The following LAG3 variants were observed in gnomAD, a reference collection of about 807,000 sequenced individuals.
LAG3 encodes lymphocyte activation gene 3 protein.
A neutral mutation model predicts 49.0 loss-of-function variants in LAG3; 29 were observed. The observed-to-expected ratio is 0.59, with a 90% CI of 0.44 to 0.81. The LOEUF is 0.81. Among genes scored for constraint, LAG3 ranks in the 30% least tolerant of loss-of-function variants. The pLI is 0.00. For synonymous variants in LAG3, 320 were observed against 297.3 expected (o/e 1.08, Z -0.79); for missense variants, 693 against 695.2 (o/e 1.00, Z 0.04).
In LAG3 at chr12:6,773,916, G is replaced by C. The variant is rs893944115; in HGVS notation, c.426G>C (p.Ala142=). Residue 142 remains alanine (A), a synonymous_variant, in exon 3 of 8, where the codon GCG becomes GCC. Transcript: ENST00000203629. This position sits in a 1 kb window ranked among gnomAD's most constrained non-coding sequence, Gnocchi z 5.5. ...TATGGCTGCGCCCAGCCCGGCGCGCGGACGCCGGCGAGTACCGCGCCGCGG... is the reference window on the plus strand; with the variant it reads ...TATGGCTGCGCCCAGCCCGGCGCGCCGACGCCGGCGAGTACCGCGCCGCGG... ...FSLWLRPARR[A]DAGEYRAAVH... is the part of the protein sequence containing the mutation. 5 of 1,381,006 alleles carry C rather than the reference G, an allele frequency of 3.6e-6. No homozygotes were observed. The African/African-American group carries it at 7.6e-5, about 21-fold the overall frequency. 85.5% of individuals were successfully genotyped at this position (1,381,006 alleles called of 1,614,324 possible). A position where few individuals can be genotyped will look rare whatever the true frequency, so the allele number is the denominator to read the frequency against.
Position 6,772,889 on chromosome 12 carries a change from C to A in LAG3, c.37C>A (p.Gln13Lys). ...TCAGTTCCTGGGCTTGCTGTTTCTGCAGCCGCTTTGGGTGGCTCCAGGTAA... is the reference window on the plus strand; with the variant it reads ...TCAGTTCCTGGGCTTGCTGTTTCTGAAGCCGCTTTGGGTGGCTCCAGGTAA... ...EAQFLGLLFL[Q>K]PLWVAPVKPL... Residue 13 changes from glutamine (Q) to lysine (K), a missense_variant, in exon 1 of 8, where the codon CAG becomes AAG. Gln to Lys is a moderately conservative substitution (Grantham distance 53, BLOSUM62 1). Transcript: ENST00000203629. The A allele has an allele frequency of 6.2e-7, 1 of 1,613,620 alleles. No individual in the cohort carries two copies. The highest frequency in any genetic ancestry group is 1.3e-5 in the African/African-American group (1 of 74,868).
rs1480410324 is a variant in LAG3, at chr12:6,774,795, C to T, written c.712C>T (p.Pro238Ser). ...LPQVSPMDSGPWGCILTYRDG... is the reference protein window; with the variant it reads ...LPQVSPMDSGSWGCILTYRDG... Reference sequence around the variant, plus strand: ...CCAAGTCAGCCCCATGGACTCTGGGCCCTGGGGCTGCATCCTCACCTACAG... The same window carrying T: ...CCAAGTCAGCCCCATGGACTCTGGGTCCTGGGGCTGCATCCTCACCTACAG... The change falls in exon 4 of 8, where the codon CCC (proline) becomes TCC (serine). Residue 238 changes from proline (P) to serine (S), a missense_variant. Pro to Ser is a moderately conservative substitution (Grantham distance 74). Transcript: ENST00000203629. 6 of 1,613,996 alleles carry T rather than the reference C, an allele frequency of 3.7e-6. No homozygotes were observed. The highest frequency in any genetic ancestry group is 5.1e-6 in the Non-Finnish European group (6 of 1,180,008).
At chr12:6,774,176 C>A (rs549317121) in intron 3 of LAG3, among the ~76,000 whole-genome samples, 175 bp downstream of exon 3, 2 of 149,314 alleles carry the variant, frequency 1.3e-5, no homozygotes, top group African/African-American at 5.1e-5. Context: ...CCCCGAAGCA[C>A]GTGTATGGGG....
At position 6,778,302 on chromosome 12, in the gene LAG3, G is replaced by A. The variant is rs760478011; in HGVS notation, c.1490G>A (p.Ser497Asn). The A allele has an allele frequency of 3.7e-6, 6 of 1,613,480 alleles. No homozygotes were observed. The highest frequency in any genetic ancestry group is 2.2e-5 in the East Asian group (1 of 44,870). The change falls in exon 8 of 8, where the codon AGC becomes AAC. Residue 497 changes from serine to asparagine, a missense_variant. Ser to Asn is a conservative substitution (Grantham distance 46, BLOSUM62 1). Coordinates refer to ENST00000203629, the MANE Select transcript of LAG3 (RefSeq NM_002286.6). ...GGGATTCACCCTCCGCAGGCTCAGAGCAAGATAGAGGAGCTGGAGCAAGAA... is the reference window on the plus strand; with the variant it reads ...GGGATTCACCCTCCGCAGGCTCAGAACAAGATAGAGGAGCTGGAGCAAGAA... ...EQGIHPPQAQ[S>N]KIEELEQEPE...
rs1941856973 is a variant in LAG3, at chr12:6,772,696, T to C, written c.-157T>C. 2 of 441,012 alleles carry C rather than the reference T, an allele frequency of 4.5e-6. No homozygotes were observed. Among genetic ancestry groups the C allele is most frequent in the South Asian group, 2.8e-5 (1 of 35,862 alleles). The allele number at this position is 441,012 out of a possible 1,614,324, so 27.3% of individuals were successfully genotyped here. A position where few individuals can be genotyped will look rare whatever the true frequency, so the allele number is the denominator to read the frequency against. On this transcript the variant is annotated 5_prime_UTR_variant, in exon 1 of 8. Coordinates refer to ENST00000203629, the MANE Select transcript of LAG3 (RefSeq NM_002286.6). ...CCTCTGGTCATCCCTCCCCACCCTC[T>C]CTCCAAGGCCCTCTCCTGGTCTCCC...
chr12:6,774,525 G>A, intron 3 of LAG3, 70 bp from the exon 4 acceptor site: 1 of 1,529,144 alleles, frequency 6.5e-7, no homozygotes, highest in South Asian at 1.3e-5. Context: ...GGAGCTTCCG[G>A]CTTGGCAGCC....
At chr12:6,774,440 G>A (rs562883579) in intron 3 of LAG3, among the ~76,000 whole-genome samples, 155 bp from the exon 4 acceptor site, 2 of 152,188 alleles carry the variant, frequency 1.3e-5, no homozygotes, top group Admixed American at 6.5e-5. Flanking sequence ...GCACCTCCAG[G>A]TGCTGGAAGC....
chr12:6,778,170 G>T, intron 7 of LAG3, 74 bp from the exon 8 acceptor site: 1 of 1,435,206 alleles, frequency 7.0e-7, no homozygotes. Flanking sequence ...GGGACTCAGT[G>T]TCCCTCCTCA....
chr12:6,775,170 C>A, intron 4 of LAG3, 103 bp from the exon 5 acceptor site: 2 of 1,286,940 alleles, frequency 1.6e-6, no homozygotes, highest in Non-Finnish European at 2.2e-6. Flanking sequence ...CTCTTATGAG[C>A]CAGACCATCT....
At position 6,772,690 on chromosome 12, in the gene LAG3, A is replaced by C. The variant is rs1187860702; in HGVS notation, c.-163A>C. The C allele has an allele frequency of 2.3e-3, 648 of 279,766 alleles. No individual in the cohort carries two copies. The highest frequency in any genetic ancestry group is 0.011 in the South Asian group (132 of 12,108). The allele number at this position is 279,766 out of a possible 1,614,324, so 17.3% of individuals were successfully genotyped here. A position where few individuals can be genotyped will look rare whatever the true frequency, so the allele number is the denominator to read the frequency against. On this transcript the variant is annotated 5_prime_UTR_variant, in exon 1 of 8. Transcript: ENST00000203629. ...TTCCGGCCTCTGGTCATCCCTCCCC[A>C]CCCTCTCTCCAAGGCCCTCTCCTGG...
Position 6,777,249 on chromosome 12 carries a change from T to G in LAG3, c.1058-15T>G, listed in dbSNP as rs747260388. ...GGCAGAATCCCAAAAGATCTCTTCC[T>G]TCTACTCTTTTCAGTGACTCCCAAA... is the stretch of plus-strand genomic sequence containing the variant. On this transcript the variant is annotated splice_polypyrimidine_tract_variant and intron_variant, in intron 5 of 7. Transcript: ENST00000203629. 6.2e-7 allele frequency: 1 copy of G among 1,614,088 alleles called. No individual in the cohort carries two copies. Among genetic ancestry groups the G allele is most frequent in the South Asian group, 1.1e-5 (1 of 91,070 alleles).
Position 6,777,377 on chromosome 12 carries a change from AG to A in LAG3, c.1173del (p.Ser392ValfsTer74), listed in dbSNP as rs780171217. The part of the protein sequence containing the change: ...VWSSLDTPSQ[R>X]SFSGPWLEAQ... The stretch of plus-strand genomic sequence containing the variant: ...GAGCTCTCTGGACACCCCATCCCAG[AG>A]GAGTTTCTCAGGACCTTGGCTGGAG... On this transcript the variant is annotated frameshift_variant, in exon 6 of 8. Transcript: ENST00000203629. LOFTEE classifies it high-confidence loss of function. The A allele has an allele frequency of 2.2e-5, 36 of 1,614,018 alleles. No individual in the cohort carries two copies. The highest frequency in any genetic ancestry group is 3.1e-5 in the Non-Finnish European group (36 of 1,180,028).
rs1229251092 is a variant in LAG3, at chr12:6,772,779, A to T, written c.-74A>T. The T allele has an allele frequency of 1.4e-5, 4 of 278,068 alleles. No homozygotes were observed. The highest frequency in any genetic ancestry group is 1.4e-5 in the Non-Finnish European group (2 of 143,682). The allele number at this position is 278,068 out of a possible 1,614,324, so 17.2% of individuals were successfully genotyped here. A position where few individuals can be genotyped will look rare whatever the true frequency, so the allele number is the denominator to read the frequency against. On this transcript the variant is annotated 5_prime_UTR_variant, in exon 1 of 8. Transcript: ENST00000203629. The stretch of plus-strand genomic sequence containing the variant: ...CTGCAGAACTTCTCCTTTACCCCCC[A>T]CCCCCCACCACTGCCCCCTTTCCTT...
rs1941888275 is a variant in LAG3 at position 6,774,869 on chromosome 12, C to T, written c.781+5C>T. The stretch of plus-strand genomic sequence containing the variant: ...TGTATAACCTCACTGTTCTGGGTAA[C>T]TCCCCCACTCTGCTTCACATTTGAC... On this transcript the variant is annotated splice_donor_5th_base_variant and intron_variant, in intron 4 of 7. Coordinates refer to ENST00000203629, the MANE Select transcript of LAG3 (RefSeq NM_002286.6). The T allele has an allele frequency of 1.2e-6, 2 of 1,604,704 alleles. No individual in the cohort carries two copies. Among genetic ancestry groups the T allele is most frequent in the Admixed American group, 1.7e-5 (1 of 59,510 alleles).
rs1166468374 is a variant in LAG3 at position 6,772,687 on chromosome 12, C to T, written c.-166C>T. 3.4e-6 allele frequency: 2 copies of T among 587,266 alleles called. No individual in the cohort carries two copies. Among genetic ancestry groups the T allele is most frequent in the Non-Finnish European group, 6.0e-6 (2 of 333,068 alleles). The allele number at this position is 587,266 out of a possible 1,614,324, so 36.4% of individuals were successfully genotyped here. ...GGATTCCGGCCTCTGGTCATCCCTC[C>T]CCACCCTCTCTCCAAGGCCCTCTCC... On this transcript the variant is annotated 5_prime_UTR_variant, in exon 1 of 8. Transcript: ENST00000203629.
chr12:6,772,749 CCT>C lies in LAG3; in HGVS notation c.-99_-98del. On this transcript the variant is annotated 5_prime_UTR_variant, in exon 1 of 8. Transcript: ENST00000203629. ...CTTCTAGAACCCCTTCCTCCACCTC[CCT>C]CTCTGCAGAACTTCTCCTTTACCCC... The C allele has an allele frequency of 1.1e-6, 1 of 897,022 alleles. No individual in the cohort carries two copies. The highest frequency in any genetic ancestry group is 1.5e-5 in the South Asian group (1 of 66,520). 55.6% of individuals were successfully genotyped at this position (897,022 alleles called of 1,614,324 possible). A position where few individuals can be genotyped will look rare whatever the true frequency, so the allele number is the denominator to read the frequency against.
In LAG3 at chr12:6,774,332, T is replaced by C. The variant is rs148244029; in HGVS notation, c.512-263T>C. ...AGCTCAGGGGGTGGGCTTCGCGGGG[T>C]TCCAGGCCAGGAAAACGGCAAGGGT... is the stretch of plus-strand genomic sequence containing the variant. On this transcript the variant is annotated intron_variant, in intron 3 of 7. Transcript: ENST00000203629. Among the ~76,000 whole-genome samples the C allele has an allele frequency of 1.1e-3, 170 of 151,734 alleles. 2 individuals are homozygous for C. The highest frequency in any genetic ancestry group is 3.8e-3 in the African/African-American group (159 of 41,352).
At chr12:6,774,089 C>T in intron 3 of LAG3, 88 bp downstream of exon 3, 1 of 1,351,024 alleles carries the variant, frequency 7.4e-7, no homozygotes, top group African/African-American at 1.5e-5. Flanking sequence ...GGGGCAGAGG[C>T]TGCGCCCTAG....
Position 6,773,530 on chromosome 12 carries a change from C to T in LAG3, c.207-167C>T. Among the ~76,000 whole-genome samples, 1 of 152,226 alleles carries T rather than the reference C, an allele frequency of 6.6e-6. No homozygotes were observed. The highest frequency in any genetic ancestry group is 1.9e-4 in the East Asian group (1 of 5,184). On this transcript the variant is annotated intron_variant, in intron 2 of 7. Transcript: ENST00000203629. This position sits in a 1 kb window ranked among gnomAD's most constrained non-coding sequence, Gnocchi z 5.5. ...ACCCTCACGCCAGCATCCCTTCTCT[C>T]CAGAAGTGGATGCGGCCAGTCCAAC...
Sources: gnomAD v4.1 joint callset for allele counts (sites outside exome capture counted in the v4.1 genomes callset) on GRCh38, gnomAD v4.1.1 for gene constraint, Gnocchi (gnomAD v3.1) non-coding constraint, MANE v1.5 for transcripts, NCBI Gene and HGNC (gene_info 2026-07-23, HGNC 2026-07-21) for gene names.